GSDME: variants seen among roughly 807,000 people sequenced by gnomAD.
GSDME encodes the protein gasdermin-E.
A neutral mutation model predicts 47.5 loss-of-function variants in GSDME; 44 were observed. The ratio of observed to expected loss-of-function variants is 0.93; its 90% CI spans 0.73 to 1.19. The LOEUF (loss-of-function observed/expected upper bound fraction) is 1.19. GSDME is among the 50% of genes most tolerant of loss of function. GSDME has a pLI of 0.00. For missense variants in GSDME, 663 were observed against 604.2 expected (o/e 1.10, Z -1.02); for synonymous variants, 258 against 252.8 (o/e 1.02, Z -0.20).
At chr7:24,758,189 T>C (rs896754707), upstream of GSDME, 4 of 152,262 alleles carry the variant, frequency 2.6e-5, no homozygotes, top group African/African-American at 9.6e-5. The surrounding 1 kb of genome is among the most constrained non-coding windows in gnomAD (Gnocchi z 4.6). Flanking sequence ...ACTTAAGTTG[T>C]TACAGCGAGG....
chr7:24,702,768 A>G lies in GSDME; in HGVS notation c.1249T>C (p.Cys417Arg). 2 of 1,613,362 alleles carry G rather than the reference A, an allele frequency of 1.2e-6. No individual in the cohort carries two copies. ...CCTGGGAGGTTGCTTACCAAGTGGC[A>G]CAGTGTGGGAATGATCTGGAGTTTG... ...CCKLQIIPTL[C>R]HLLRALSDDG... The change falls in exon 9 of 10, where the codon TGC (cysteine) becomes CGC (arginine). Residue 417 changes from cysteine to arginine, a missense_variant. Coordinates refer to ENST00000645220, the MANE Select transcript of GSDME (RefSeq NM_001127453.2).
intron 7 of GSDME, 61 bp from the exon 8 acceptor site, chr7:24,706,437 G>C (rs1409055877): frequency 6.5e-7 from 1 of 1,535,296 alleles, no homozygotes. Flanking sequence ...CACAGCTGGG[G>C]CCTCCGCTCA....
At chr7:24,743,596 C>T (rs1451656178) in intron 3 of GSDME, among the ~76,000 whole-genome samples, 1 of 152,174 alleles carries the variant, frequency 6.6e-6, no homozygotes, top group Non-Finnish European at 1.5e-5. Flanking sequence ...GTGAGCCTTT[C>T]CAGTGGCCTT....
the GSDME span, among the ~76,000 whole-genome samples, chr7:24,785,717 A>G: frequency 1.3e-5 from 2 of 152,198 alleles, no homozygotes; most frequent in Non-Finnish European, 2.9e-5. Context: ...GGCCTCCCAA[A>G]GTGCTGGGAT....
the GSDME span, among the ~76,000 whole-genome samples, chr7:24,771,439 G>A: frequency 2.0e-5 from 3 of 152,204 alleles, no homozygotes; most frequent in Non-Finnish European, 2.9e-5. This position sits in a 1 kb window ranked among gnomAD's most constrained non-coding sequence, Gnocchi z 4.1. Flanking sequence ...TGAAGATAAA[G>A]AGAGAAAATT....
chr7:24,766,464 C>T, the GSDME span, among the ~76,000 whole-genome samples: 2 of 152,224 alleles, frequency 1.3e-5, no homozygotes, highest in South Asian at 4.2e-4. The surrounding 1 kb of genome is among the most constrained non-coding windows in gnomAD (Gnocchi z 4.2). Context: ...GACTCACACC[C>T]ACCGACAGGC....
Position 24,756,479 on chromosome 7 carries a change from A to G in GSDME, c.-20+917T>C, listed in dbSNP as rs1285154726. 6.6e-6 allele frequency among the ~76,000 whole-genome samples: 1 copy of G among 152,186 alleles called. No individual in the cohort carries two copies. Among genetic ancestry groups the G allele is most frequent in the Non-Finnish European group, 1.5e-5 (1 of 68,042 alleles). On this transcript the variant is annotated intron_variant, in intron 1 of 9. Coordinates refer to ENST00000645220, the MANE Select transcript of GSDME (RefSeq NM_001127453.2). This position sits in a 1 kb window ranked among gnomAD's most constrained non-coding sequence, Gnocchi z 4.2. Reference sequence around the variant, plus strand: ...TTTAGAAAAAGAGCTTGGTGGTGGTAGATTGTGAAGACAATTAATTTCACT... The same window carrying G: ...TTTAGAAAAAGAGCTTGGTGGTGGTGGATTGTGAAGACAATTAATTTCACT...
At chr7:24,780,160 CT>C in the GSDME span, among the ~76,000 whole-genome samples, 1 of 152,212 alleles carries the variant, frequency 6.6e-6, no homozygotes, top group Non-Finnish European at 1.5e-5. This position sits in a 1 kb window ranked among gnomAD's most constrained non-coding sequence, Gnocchi z 4.1. Flanking sequence ...TTGGCTGGCC[CT>C]TCTGGCAGGT....
intron 3 of GSDME, among the ~76,000 whole-genome samples, chr7:24,723,211 C>T (rs75634572): frequency 0.01 from 1,547 of 152,306 alleles, 25 homozygotes; most frequent in African/African-American, 0.035. Context: ...GGGGAAGCTA[C>T]ACATCAGGGA....
intron 8 of GSDME, 172 bp downstream of exon 8, chr7:24,706,012 A>T: frequency 1.4e-6 from 1 of 706,722 alleles, no homozygotes. Context: ...TCGAGACCGA[A>T]GGGGGGTTTC....
chr7:24,760,846 A>G (rs1420503712), upstream of GSDME, among the ~76,000 whole-genome samples: 1 of 152,248 alleles, frequency 6.6e-6, no homozygotes, highest in African/African-American at 2.4e-5. This position sits in a 1 kb window ranked among gnomAD's most constrained non-coding sequence, Gnocchi z 4.2. Flanking sequence ...AGGGTTAAAT[A>G]TGGTCCAGAA....
Position 24,732,032 on chromosome 7 carries a change from A to G in GSDME, c.404+12530T>C, listed in dbSNP as rs966552095. ...AGCCCCTCCCATCCCAGACCTTGGG[A>G]TGCCCCGGTTTATTGTGACCAGTTA... On this transcript the variant is annotated intron_variant, in intron 3 of 9. Transcript: ENST00000645220. The surrounding 1 kb of genome is among the most constrained non-coding windows in gnomAD (Gnocchi z 4.8). 3.3e-5 allele frequency among the ~76,000 whole-genome samples: 5 copies of G among 152,172 alleles called. No homozygotes were observed. The highest frequency in any genetic ancestry group is 4.8e-5 in the African/African-American group (2 of 41,452).
chr7:24,747,378 A>G (rs747272681), intron 2 of GSDME, among the ~76,000 whole-genome samples: 4 of 152,178 alleles, frequency 2.6e-5, no homozygotes, highest in African/African-American at 7.2e-5. Flanking sequence ...GTAAACTCAA[A>G]TTATCTCCTC....
the GSDME span, among the ~76,000 whole-genome samples, chr7:24,789,261 G>GACACACACAC: frequency 6.7e-6 from 1 of 149,440 alleles, no homozygotes; most frequent in Non-Finnish European, 1.5e-5. Context: ...TTCACATTAG[G>GACACACACAC]ACACACACAC....
Position 24,742,050 on chromosome 7 carries a change from CA to C in GSDME, c.404+2511del, listed in dbSNP as rs1186064569. Reference sequence around the variant, plus strand: ...GGCATCCCTTCCCCCATCACCACTACAAGTAATAGGACTCCCGAGTCCAAGT... The same window carrying C: ...GGCATCCCTTCCCCCATCACCACTACAGTAATAGGACTCCCGAGTCCAAGT... On this transcript the variant is annotated intron_variant, in intron 3 of 9. Transcript: ENST00000645220. The surrounding 1 kb of genome is among the most constrained non-coding windows in gnomAD (Gnocchi z 4.4). 6.6e-6 allele frequency among the ~76,000 whole-genome samples: 1 copy of C among 152,212 alleles called. No individual in the cohort carries two copies. Among genetic ancestry groups the C allele is most frequent in the Non-Finnish European group, 1.5e-5 (1 of 68,044 alleles).
intron 5 of GSDME, 26 bp from the exon 6 acceptor site, chr7:24,710,414 T>G (rs773500370): frequency 6.2e-7 from 1 of 1,613,672 alleles, no homozygotes; most frequent in South Asian, 1.1e-5. Flanking sequence ...AAAGGACAAG[T>G]TAGGTAAAGT....
At chr7:24,752,969 A>C (rs1224884939) in intron 1 of GSDME, among the ~76,000 whole-genome samples, 2 of 151,712 alleles carry the variant, frequency 1.3e-5, no homozygotes, top group Admixed American at 6.6e-5. Context: ...AAAAAAGAGG[A>C]AATTCCTAAA....
intron 7 of GSDME, chr7:24,707,176 GAA>G (rs1242408515): frequency 1.0e-5 from 4 of 381,218 alleles, no homozygotes; most frequent in Non-Finnish European, 2.1e-5. Context: ...TTTCAAGAGA[GAA>G]AAATAATATG....
At chr7:24,727,540 A>G (rs1338843044) in intron 3 of GSDME, among the ~76,000 whole-genome samples, 1 of 152,226 alleles carries the variant, frequency 6.6e-6, no homozygotes, top group Non-Finnish European at 1.5e-5. Context: ...ACTTCTCCCA[A>G]GGGTTTTGAT....
Sources: gnomAD v4.1 joint callset for allele counts (sites outside exome capture counted in the v4.1 genomes callset) on GRCh38, gnomAD v4.1.1 for gene constraint, Gnocchi (gnomAD v3.1) non-coding constraint, MANE v1.5 for transcripts, NCBI Gene and HGNC (gene_info 2026-07-23, HGNC 2026-07-21) for gene names.